Variants in DRC11 observed in about 807,000 individuals in gnomAD.
The protein encoded by DRC11 is IQ and AAA domain-containing protein 1.
At chr2:236,317,115 G>A in the DRC11 span, among the ~76,000 whole-genome samples, 1 of 152,096 alleles carries the variant, frequency 6.6e-6, no homozygotes, top group African/African-American at 2.4e-5. This position sits in a 1 kb window ranked among gnomAD's most constrained non-coding sequence, Gnocchi z 5.4. Context: ...GGCCAACATG[G>A]TGAAACTCCG....
the DRC11 span, among the ~76,000 whole-genome samples, chr2:236,411,211 C>G: frequency 1.3e-5 from 2 of 152,166 alleles, no homozygotes; most frequent in African/African-American, 2.4e-5. Flanking sequence ...AAAAAACAAA[C>G]AACCCCATCA....
the DRC11 span, among the ~76,000 whole-genome samples, chr2:236,384,559 A>G: frequency 2.1e-4 from 32 of 152,292 alleles, no homozygotes; most frequent in African/African-American, 7.7e-4. Flanking sequence ...TCTGGATATT[A>G]GCCCTTTGTC....
the DRC11 span, chr2:236,392,329 T>C: frequency 6.3e-7 from 1 of 1,588,260 alleles, no homozygotes; most frequent in Non-Finnish European, 8.6e-7. The surrounding 1 kb of genome is among the most constrained non-coding windows in gnomAD (Gnocchi z 5.1). Flanking sequence ...ATTCCAAGAC[T>C]CATCTTTTTT....
the DRC11 span, among the ~76,000 whole-genome samples, chr2:236,491,118 A>T: frequency 1.5e-4 from 17 of 112,612 alleles, no homozygotes; most frequent in African/African-American, 2.2e-4. Context: ...ATATATATAC[A>T]GTGTGTATAT....
At chr2:236,448,279 A>G in the DRC11 span, among the ~76,000 whole-genome samples, 1 of 152,208 alleles carries the variant, frequency 6.6e-6, no homozygotes, top group African/African-American at 2.4e-5. This position sits in a 1 kb window ranked among gnomAD's most constrained non-coding sequence, Gnocchi z 5.3. Flanking sequence ...AAAAACTTAT[A>G]CTATACAACA....
At chr2:236,383,123 T>A in the DRC11 span, among the ~76,000 whole-genome samples, 1 of 152,176 alleles carries the variant, frequency 6.6e-6, no homozygotes, top group South Asian at 2.1e-4. Context: ...TGATCTAACG[T>A]CTTTATTTGT....
the DRC11 span, among the ~76,000 whole-genome samples, chr2:236,323,919 C>T: frequency 1.3e-5 from 2 of 152,124 alleles, no homozygotes; most frequent in African/African-American, 4.8e-5. This position sits in a 1 kb window ranked among gnomAD's most constrained non-coding sequence, Gnocchi z 6.4. Flanking sequence ...TTCTTCACGT[C>T]GGCTTTCCCT....
chr2:236,447,424 G>A, the DRC11 span, among the ~76,000 whole-genome samples: 4 of 151,762 alleles, frequency 2.6e-5, no homozygotes, highest in East Asian at 7.7e-4. The surrounding 1 kb of genome is among the most constrained non-coding windows in gnomAD (Gnocchi z 4.6). Flanking sequence ...CCTGGTGCCA[G>A]AAAGGTTGGG....
chr2:236,367,496 G>A, the DRC11 span: 25,203 of 151,508 alleles, frequency 0.17, 2,224 homozygotes, highest in Admixed American at 0.21. The surrounding 1 kb of genome is among the most constrained non-coding windows in gnomAD (Gnocchi z 4.8). Context: ...CCCAGAAGGT[G>A]ATTTCTATTT....
chr2:236,470,562 C>T, the DRC11 span, among the ~76,000 whole-genome samples: 6 of 152,148 alleles, frequency 3.9e-5, no homozygotes, highest in Non-Finnish European at 7.3e-5. The surrounding 1 kb of genome is among the most constrained non-coding windows in gnomAD (Gnocchi z 5.1). Context: ...GCTCCTCAGT[C>T]GGTTCATTTC....
chr2:236,399,456 A>C, the DRC11 span: 19 of 1,613,884 alleles, frequency 1.2e-5, no homozygotes, highest in Non-Finnish European at 1.5e-5. This position sits in a 1 kb window ranked among gnomAD's most constrained non-coding sequence, Gnocchi z 7.0. Context: ...GAAGAAAAAG[A>C]CTTGGTGACA....
chr2:236,338,104 C>A, the DRC11 span: 1 of 1,186,182 alleles, frequency 8.4e-7, no homozygotes, highest in Middle Eastern at 2.9e-4. Context: ...CCCCTCAACT[C>A]ATCTGGCGCC....
the DRC11 span, among the ~76,000 whole-genome samples, chr2:236,345,903 G>A: frequency 9.5e-4 from 144 of 152,290 alleles, 2 homozygotes; most frequent in African/African-American, 3.2e-3. Context: ...TGGAAAAATC[G>A]CTAGGGACAC....
At chr2:236,388,933 A>T in the DRC11 span, among the ~76,000 whole-genome samples, 1 of 152,182 alleles carries the variant, frequency 6.6e-6, no homozygotes, top group Non-Finnish European at 1.5e-5. Flanking sequence ...GTGAGGTGTC[A>T]GTATGCCCCT....
At chr2:236,503,720 G>T in the DRC11 span, 9 of 1,548,302 alleles carry the variant, frequency 5.8e-6, no homozygotes, top group East Asian at 2.0e-4. This position sits in a 1 kb window ranked among gnomAD's most constrained non-coding sequence, Gnocchi z 4.9. Flanking sequence ...CTCCCCAGCT[G>T]TCCTGATGCC....
the DRC11 span, among the ~76,000 whole-genome samples, chr2:236,463,809 T>A: frequency 6.6e-6 from 1 of 152,350 alleles, no homozygotes; most frequent in African/African-American, 2.4e-5. The surrounding 1 kb of genome is among the most constrained non-coding windows in gnomAD (Gnocchi z 5.0). Context: ...GTGGCTCAGC[T>A]GGGCGCCTCT....
chr2:236,480,192 G>C, the DRC11 span, among the ~76,000 whole-genome samples: 2 of 151,970 alleles, frequency 1.3e-5, no homozygotes, highest in African/African-American at 4.8e-5. Context: ...TGACTTTTGA[G>C]AGTTTATTAT....
At chr2:236,494,848 G>C in the DRC11 span, among the ~76,000 whole-genome samples, 4 of 152,288 alleles carry the variant, frequency 2.6e-5, no homozygotes, top group East Asian at 7.7e-4. This position sits in a 1 kb window ranked among gnomAD's most constrained non-coding sequence, Gnocchi z 4.2. Context: ...ATGGAGTGCT[G>C]GGGGTGACGG....
chr2:236,467,457 T>C, the DRC11 span, among the ~76,000 whole-genome samples: 3 of 152,248 alleles, frequency 2.0e-5, no homozygotes, highest in African/African-American at 7.2e-5. Flanking sequence ...GTTACGTGTA[T>C]CATTTGGATT....
Sources: gnomAD v4.1 joint callset for allele counts (sites outside exome capture counted in the v4.1 genomes callset) on GRCh38, gnomAD v4.1.1 for gene constraint, Gnocchi (gnomAD v3.1) non-coding constraint, MANE v1.5 for transcripts, NCBI Gene and HGNC (gene_info 2026-07-23, HGNC 2026-07-21) for gene names.